The following ZCCHC7 variants were observed in gnomAD, a reference collection of about 807,000 sequenced individuals.
The protein encoded by ZCCHC7 is zinc finger CCHC-type containing 7.
In ZCCHC7, 35 loss-of-function variants were observed where a neutral mutation model predicts 52.0. The observed-to-expected ratio is 0.67, with a 90% CI of 0.51 to 0.89. The LOEUF (loss-of-function observed/expected upper bound fraction) is 0.89, where lower values mean the gene tolerates loss of function less well. ZCCHC7 is among the 40% of genes least tolerant of loss of function. The pLI, the probability that ZCCHC7 is intolerant of heterozygous loss-of-function variation, is 0.00. For missense variants in ZCCHC7, 574 were observed against 649.1 expected (o/e 0.88, Z 1.26); for synonymous variants, 217 against 221.5 (o/e 0.98, Z 0.18).
intron 6 of ZCCHC7, among the ~76,000 whole-genome samples, chr9:37,338,417 T>C (rs2118431929): frequency 6.6e-6 from 1 of 152,298 alleles, no homozygotes; most frequent in South Asian, 2.1e-4. Context: ...TGTAATCCCT[T>C]ATACTCTTGA....
chr9:37,338,648 A>G (rs1359090153), intron 6 of ZCCHC7, among the ~76,000 whole-genome samples: 1 of 152,168 alleles, frequency 6.6e-6, no homozygotes, highest in Non-Finnish European at 1.5e-5. Flanking sequence ...TTTTTCCAAT[A>G]TGGCAAATTA....
intron 2 of ZCCHC7, among the ~76,000 whole-genome samples, chr9:37,244,657 C>G (rs1826008138): frequency 6.6e-6 from 1 of 151,844 alleles, no homozygotes; most frequent in African/African-American, 2.4e-5. Context: ...GCCATTTTCA[C>G]ATTTTTCCTT....
At chr9:37,150,305 A>G (rs567900140) in intron 2 of ZCCHC7, among the ~76,000 whole-genome samples, 2 of 152,348 alleles carry the variant, frequency 1.3e-5, no homozygotes, top group African/African-American at 4.8e-5. Flanking sequence ...CAAGGTTCCA[A>G]ATATTTTGAG....
chr9:37,272,206 T>TC (rs1827450871), intron 2 of ZCCHC7, among the ~76,000 whole-genome samples: 1 of 152,186 alleles, frequency 6.6e-6, no homozygotes, highest in Non-Finnish European at 1.5e-5. Context: ...CCATGAATAA[T>TC]CCCTTTACTT....
At chr9:37,165,531 A>G (rs1221621560) in intron 2 of ZCCHC7, among the ~76,000 whole-genome samples, 3 of 152,304 alleles carry the variant, frequency 2.0e-5, no homozygotes, top group Middle Eastern at 3.4e-3. Flanking sequence ...GGATTTTGTC[A>G]AATGCTTTTT....
At chr9:37,309,815 G>A (rs1829508490) in intron 5 of ZCCHC7, among the ~76,000 whole-genome samples, 1 of 151,962 alleles carries the variant, frequency 6.6e-6, no homozygotes, top group African/African-American at 2.4e-5. Flanking sequence ...CCAACTACTG[G>A]GAAGGCTGAG....
intron 2 of ZCCHC7, among the ~76,000 whole-genome samples, chr9:37,244,148 C>G (rs537448135): frequency 6.6e-6 from 1 of 151,390 alleles, no homozygotes; most frequent in African/African-American, 2.4e-5. Context: ...GCTTCTCATA[C>G]TAGCCATTTT....
At chr9:37,318,129 T>C (rs1343558140) in intron 5 of ZCCHC7, among the ~76,000 whole-genome samples, 2 of 151,906 alleles carry the variant, frequency 1.3e-5, no homozygotes, top group Non-Finnish European at 2.9e-5. Flanking sequence ...TAATGAATAC[T>C]AGATGCAACC....
chr9:37,244,358 G>T (rs898159876), intron 2 of ZCCHC7, among the ~76,000 whole-genome samples: 33 of 151,558 alleles, frequency 2.2e-4, no homozygotes, highest in African/African-American at 8.0e-4. Context: ...ATATACCATA[G>T]TATAGTGAGG....
At chr9:37,313,777 A>G (rs1829696952) in intron 5 of ZCCHC7, among the ~76,000 whole-genome samples, 1 of 151,876 alleles carries the variant, frequency 6.6e-6, no homozygotes. Context: ...TTCCCCTTCA[A>G]CCTCCACCAT....
Position 37,208,980 on chromosome 9 carries a change from A to T in ZCCHC7, c.610+82038A>T, listed in dbSNP as rs184163413. On this transcript the variant is annotated intron_variant, in intron 2 of 8. Coordinates refer to ENST00000336755, the MANE Select transcript of ZCCHC7 (RefSeq NM_032226.3). ...CATTGACTTCTTTTTAAAAAATTTT[A>T]AAAAATATTAATAACTTTATTCTTT... is the stretch of plus-strand genomic sequence containing the variant. Among the ~76,000 whole-genome samples the T allele has an allele frequency of 1.8e-3, 273 of 152,290 alleles. 1 individual carries two copies. The highest frequency in any genetic ancestry group is 5.7e-3 in the African/African-American group (237 of 41,552).
At chr9:37,121,470 TTTC>T (rs1842313358) in intron 1 of ZCCHC7, 1 of 152,192 alleles carries the variant, frequency 6.6e-6, no homozygotes, top group East Asian at 1.9e-4. Flanking sequence ...ACTTTGTGGT[TTTC>T]TTTTTCTTTT....
chr9:37,252,960 T>C (rs1258553073), intron 2 of ZCCHC7, among the ~76,000 whole-genome samples: 1 of 152,080 alleles, frequency 6.6e-6, no homozygotes, highest in Non-Finnish European at 1.5e-5. Flanking sequence ...CACACCTTTA[T>C]TGAAAAATCT....
chr9:37,261,688 T>C (rs1296433730), intron 2 of ZCCHC7, among the ~76,000 whole-genome samples: 1 of 151,816 alleles, frequency 6.6e-6, no homozygotes, highest in Non-Finnish European at 1.5e-5. Context: ...AAGTACTACT[T>C]TAAACTTCAA....
chr9:37,249,892 T>C (rs1826244281), intron 2 of ZCCHC7, among the ~76,000 whole-genome samples: 1 of 152,160 alleles, frequency 6.6e-6, no homozygotes, highest in African/African-American at 2.4e-5. Flanking sequence ...ATGGTCCTTC[T>C]GGGTTTGCCA....
intron 2 of ZCCHC7, among the ~76,000 whole-genome samples, chr9:37,154,105 G>T (rs1205929100): frequency 3.3e-5 from 5 of 151,956 alleles, no homozygotes; most frequent in Non-Finnish European, 5.9e-5. Flanking sequence ...GCCCAGGCTG[G>T]TCTAGAACTC....
chr9:37,221,541 A>G (rs1450361680), intron 2 of ZCCHC7, among the ~76,000 whole-genome samples: 1 of 152,236 alleles, frequency 6.6e-6, no homozygotes, highest in Non-Finnish European at 1.5e-5. Context: ...AGGAATAGTC[A>G]ATATTGAATT....
chr9:37,176,966 C>T (rs1471322525), intron 2 of ZCCHC7, among the ~76,000 whole-genome samples: 3 of 152,114 alleles, frequency 2.0e-5, no homozygotes, highest in African/African-American at 7.2e-5. Context: ...CTACTGATGC[C>T]TCAGTCCTAC....
At position 37,210,103 on chromosome 9, in the gene ZCCHC7, G is replaced by C. The variant is rs1197695960; in HGVS notation, c.610+83161G>C. Among the ~76,000 whole-genome samples, 4 of 152,034 alleles carry C rather than the reference G, an allele frequency of 2.6e-5. No individual in the cohort carries two copies. In the East Asian group the frequency reaches 7.7e-4, roughly 29 times the overall value. On this transcript the variant is annotated intron_variant, in intron 2 of 8. Coordinates refer to ENST00000336755, the MANE Select transcript of ZCCHC7 (RefSeq NM_032226.3). ...GCTCTCTGGTTTATTGTCATAGCCAGTCCTTTCCTGCCAGCTTGATTGTCT... is the reference window on the plus strand; with the variant it reads ...GCTCTCTGGTTTATTGTCATAGCCACTCCTTTCCTGCCAGCTTGATTGTCT...
Sources: gnomAD v4.1 joint callset for allele counts (sites outside exome capture counted in the v4.1 genomes callset) on GRCh38, gnomAD v4.1.1 for gene constraint, MANE v1.5 for transcripts, NCBI Gene and HGNC (gene_info 2026-07-23, HGNC 2026-07-21) for gene names.